SLC35F1: variants seen among roughly 807,000 people sequenced by gnomAD.
The protein encoded by SLC35F1 is chromosome 6 open reading frame 169.
In SLC35F1, 14 loss-of-function variants were observed where a neutral mutation model predicts 48.7. The ratio of observed to expected loss-of-function variants is 0.29; its 90% CI spans 0.19 to 0.45. The LOEUF is 0.45. SLC35F1 is among the 20% of genes least tolerant of loss of function. The pLI is 1.00. For synonymous variants in SLC35F1, 190 were observed against 202.2 expected (o/e 0.94, Z 0.51); for missense variants, 404 against 500.0 (o/e 0.81, Z 1.83).
At chr6:117,989,513 C>T (rs1380496493) in intron 1 of SLC35F1, among the ~76,000 whole-genome samples, 3 of 152,282 alleles carry the variant, frequency 2.0e-5, no homozygotes, top group Non-Finnish European at 2.9e-5. Flanking sequence ...TTATCTCAAA[C>T]ATTTAATCTT....
chr6:117,932,412 G>A (rs1412545735), intron 1 of SLC35F1, among the ~76,000 whole-genome samples: 1 of 152,172 alleles, frequency 6.6e-6, no homozygotes, highest in African/African-American at 2.4e-5. Context: ...GTAGAGCTGA[G>A]AGTTGAATTC....
At chr6:117,990,611 C>A (rs1361758241) in intron 1 of SLC35F1, among the ~76,000 whole-genome samples, 2 of 152,156 alleles carry the variant, frequency 1.3e-5, no homozygotes, top group African/African-American at 4.8e-5. Context: ...GCCTGTACAC[C>A]AGCTCATTTG....
intron 2 of SLC35F1, among the ~76,000 whole-genome samples, chr6:118,166,310 C>T (rs753678685): frequency 6.6e-6 from 1 of 152,102 alleles, no homozygotes; most frequent in Non-Finnish European, 1.5e-5. Context: ...GGAGCTGTTG[C>T]TCAGCCATTG....
At chr6:118,145,688 AC>A (rs1773961247) in intron 1 of SLC35F1, among the ~76,000 whole-genome samples, 1 of 152,190 alleles carries the variant, frequency 6.6e-6, no homozygotes, top group Admixed American at 6.5e-5. Flanking sequence ...TATACAGTAT[AC>A]CTTAAGATAT....
chr6:118,309,195 GTGTGTGTGCGT>G (rs1776345508), intron 7 of SLC35F1, among the ~76,000 whole-genome samples: 1 of 151,364 alleles, frequency 6.6e-6, no homozygotes, highest in African/African-American at 2.4e-5. Context: ...GTGTGTGTGT[GTGTGTGTGCGT>G]GTGTGTATTT....
chr6:117,997,253 T>C (rs1024060475), intron 1 of SLC35F1, among the ~76,000 whole-genome samples: 11 of 152,246 alleles, frequency 7.2e-5, no homozygotes, highest in African/African-American at 2.4e-4. Flanking sequence ...AAACAAAGCC[T>C]CCAAGAAATA....
Position 118,053,456 on chromosome 6 carries a change from T to C in SLC35F1, c.174-100989T>C, listed in dbSNP as rs549553969. Among the ~76,000 whole-genome samples the C allele has an allele frequency of 4.6e-5, 7 of 152,214 alleles. No homozygotes were observed. In the South Asian group the frequency reaches 1.5e-3, roughly 32 times the overall value. ...CTCCAATAATCTTAAATTGTAAAAA[T>C]AGTATTATAACAATGTTAATACAGA... On this transcript the variant is annotated intron_variant, in intron 1 of 7. Coordinates refer to ENST00000360388, the MANE Select transcript of SLC35F1 (RefSeq NM_001029858.4).
chr6:118,255,131 T>C (rs1047874864), intron 3 of SLC35F1, among the ~76,000 whole-genome samples: 1 of 152,146 alleles, frequency 6.6e-6, no homozygotes, highest in Non-Finnish European at 1.5e-5. Context: ...TCCTGTATAG[T>C]TTCTGCTCCA....
chr6:118,067,868 A>G (rs113604721), intron 1 of SLC35F1, among the ~76,000 whole-genome samples: 2,200 of 152,140 alleles, frequency 0.014, 60 homozygotes, highest in African/African-American at 0.05. Context: ...CCTGGGTGGG[A>G]GTCAAGAATT....
intron 1 of SLC35F1, among the ~76,000 whole-genome samples, chr6:118,145,282 T>G (rs1465059299): frequency 6.6e-6 from 1 of 152,230 alleles, no homozygotes; most frequent in Non-Finnish European, 1.5e-5. Context: ...TCAGAGTCTT[T>G]GACACAGGAG....
chr6:118,057,659 G>A, intron 1 of SLC35F1, among the ~76,000 whole-genome samples: 1 of 152,144 alleles, frequency 6.6e-6, no homozygotes, highest in Non-Finnish European at 1.5e-5. Context: ...TTGCTATGGT[G>A]GAAGTAAAAT....
intron 1 of SLC35F1, among the ~76,000 whole-genome samples, chr6:118,014,906 T>A (rs771670697): frequency 6.6e-6 from 1 of 152,190 alleles, no homozygotes; most frequent in Non-Finnish European, 1.5e-5. Flanking sequence ...TGATATGGTT[T>A]GGCTGTGTCC....
At chr6:118,312,925 C>CT (rs2114673629) in intron 7 of SLC35F1, among the ~76,000 whole-genome samples, 1 of 151,776 alleles carries the variant, frequency 6.6e-6, no homozygotes, top group Non-Finnish European at 1.5e-5. Context: ...AAAATTGATC[C>CT]TTTTTTCCCC....
intron 3 of SLC35F1, among the ~76,000 whole-genome samples, chr6:118,248,549 T>C (rs1256950313): frequency 6.6e-6 from 1 of 152,082 alleles, no homozygotes; most frequent in Non-Finnish European, 1.5e-5. Context: ...AAACACCACA[T>C]TGCTGGCTTT....
At chr6:118,179,386 G>A (rs1291741505) in intron 2 of SLC35F1, among the ~76,000 whole-genome samples, 2 of 152,124 alleles carry the variant, frequency 1.3e-5, no homozygotes, top group Non-Finnish European at 1.5e-5. Context: ...TGATGTCTGA[G>A]GGCAGAAGAT....
intron 1 of SLC35F1, among the ~76,000 whole-genome samples, chr6:118,047,368 A>G (rs1340877276): frequency 1.3e-5 from 2 of 152,192 alleles, no homozygotes; most frequent in Non-Finnish European, 2.9e-5. Context: ...TGGTGCCCTC[A>G]GTATAGGTTT....
intron 2 of SLC35F1, among the ~76,000 whole-genome samples, chr6:118,180,660 G>T (rs376203101): frequency 6.6e-6 from 1 of 152,048 alleles, no homozygotes; most frequent in Admixed American, 6.6e-5. Flanking sequence ...TATTCAGGAC[G>T]CAGGACAAAA....
At chr6:118,294,476 G>A (rs1776160038) in intron 7 of SLC35F1, among the ~76,000 whole-genome samples, 1 of 152,122 alleles carries the variant, frequency 6.6e-6, no homozygotes, top group African/African-American at 2.4e-5. Context: ...CTTTTTGCCT[G>A]ACATTTAAAT....
chr6:118,150,565 T>C lies in SLC35F1; in HGVS notation c.174-3880T>C, dbSNP rs372324244. On this transcript the variant is annotated intron_variant, in intron 1 of 7. Transcript: ENST00000360388. Reference sequence around the variant, plus strand: ...TATAGAACTGCAGGAATCCATGTCATAGCAATAATTTTCACCCTTCTTGTC... The same window carrying C: ...TATAGAACTGCAGGAATCCATGTCACAGCAATAATTTTCACCCTTCTTGTC... Among the ~76,000 whole-genome samples, 8 of 152,166 alleles carry C rather than the reference T, an allele frequency of 5.3e-5. No individual in the cohort carries two copies. In the East Asian group the frequency reaches 7.7e-4, roughly 15 times the overall value.
Sources: gnomAD v4.1 joint callset for allele counts (sites outside exome capture counted in the v4.1 genomes callset) on GRCh38, gnomAD v4.1.1 for gene constraint, MANE v1.5 for transcripts, NCBI Gene and HGNC (gene_info 2026-07-23, HGNC 2026-07-21) for gene names.